Variants in EIF2B4 observed in about 807,000 individuals in gnomAD.
The protein encoded by EIF2B4 is eukaryotic translation initiation factor 2B subunit delta.
EIF2B4 carries 34 observed loss-of-function variants against 66.7 expected under a neutral mutation model. That is an observed-to-expected ratio of 0.51 (90% confidence interval 0.39 to 0.68). The LOEUF is 0.68. EIF2B4 is among the 30% of genes least tolerant of loss of function. The pLI, the probability that EIF2B4 is intolerant of heterozygous loss-of-function variation, is 0.00. For synonymous variants in EIF2B4, 278 were observed against 253.6 expected (o/e 1.10, Z -0.92); for missense variants, 618 against 657.9 (o/e 0.94, Z 0.66).
chr2:27,370,135 C>G, intron 1 of EIF2B4, 149 bp downstream of exon 1: 1 of 1,527,000 alleles, frequency 6.5e-7, no homozygotes, highest in Non-Finnish European at 8.8e-7. Context: ...CGGTGCGCGG[C>G]GCGGGACTGC....
In EIF2B4 at chr2:27,367,479, C is replaced by T. The variant is rs754707878; in HGVS notation, c.863G>A (p.Gly288Asp). Residue 288 changes from glycine (G) to aspartate (D), a missense_variant, in exon 9 of 13, where the codon GGC becomes GAC. Physicochemically the swap from Gly to Asp is moderately conservative, Grantham distance 94. Transcript: ENST00000347454. ...KFLNKEITSV[G>D]SSKREEEAKS... ...CACCTCCTCTTCCCGCTTGGAACTG[C>T]CCACACTGGTGATTTCCTTGTTAAG... 2.0e-5 allele frequency: 33 copies of T among 1,614,114 alleles called. No homozygotes were observed. Among genetic ancestry groups the T allele is most frequent in the Admixed American group, 3.3e-5 (2 of 60,004 alleles).
At chr2:27,369,594 A>C in intron 2 of EIF2B4, 45 bp from the exon 3 acceptor site, 1 of 1,613,386 alleles carries the variant, frequency 6.2e-7, no homozygotes, top group Non-Finnish European at 8.5e-7. Flanking sequence ...ACAATTCCAA[A>C]GGGGAACAAA....
intron 11 of EIF2B4, chr2:27,365,158 G>A (rs1466321000): frequency 9.7e-6 from 4 of 410,914 alleles, no homozygotes; most frequent in Non-Finnish European, 1.8e-5. Flanking sequence ...CTGGGTTCAA[G>A]TGATTCTCCT....
Position 27,364,782 on chromosome 2 carries a change from A to C in EIF2B4, c.1308T>G (p.Val436=), listed in dbSNP as rs1042632344. 6.2e-7 allele frequency: 1 copy of C among 1,614,194 alleles called. No individual in the cohort carries two copies. Among genetic ancestry groups the C allele is most frequent in the Non-Finnish European group, 8.5e-7 (1 of 1,180,034 alleles). The change falls in exon 12 of 13, where the codon GTT becomes GTG. Residue 436 remains valine (V), a synonymous_variant. Transcript: ENST00000347454. The stretch of plus-strand genomic sequence containing the variant: ...CACAGAACTTGTATGTTTCACAGCA[A>C]ACCAGCACTGGTACATTATGGGCTC... ...VARAHNVPVL[V]CCETYKFCER...
At chr2:27,367,411 A>T in intron 9 of EIF2B4, 46 bp downstream of exon 9, 1 of 1,611,774 alleles carries the variant, frequency 6.2e-7, no homozygotes, top group Non-Finnish European at 8.5e-7. Context: ...ATGTTTCTTA[A>T]TTTTACCCAC....
intron 11 of EIF2B4, chr2:27,366,217 TG>T (rs1475150845): frequency 1.0e-3 from 3 of 2,980 alleles, no homozygotes; most frequent in Admixed American, 4.8e-3. Flanking sequence ...TGGGGTGGGG[TG>T]TGTGTGTGTG....
chr2:27,364,543 G>C lies in EIF2B4; in HGVS notation c.1429C>G (p.Gln477Glu). The C allele has an allele frequency of 6.2e-7, 1 of 1,614,184 alleles. No individual in the cohort carries two copies. The highest frequency in any genetic ancestry group is 2.2e-5 in the East Asian group (1 of 44,878). ...AACAACCGTAGGGATGCGTGGTTCTGCCAGTTAGCCAGCGCAACATGTTCT... is the reference window on the plus strand; with the variant it reads ...AACAACCGTAGGGATGCGTGGTTCTCCCAGTTAGCCAGCGCAACATGTTCT... ...RGEHVALANW[Q>E]NHASLRLLNL... is the part of the protein sequence containing the mutation. Residue 477 changes from glutamine to glutamate, a missense_variant, in exon 13 of 13, where the codon CAG becomes GAG. Gln to Glu is a conservative substitution (Grantham distance 29). This residue lies in a region of EIF2B4 where 63 missense variants were observed against 47.5 expected (regional missense o/e 1.33). Transcript: ENST00000347454.
chr2:27,369,255 G>A, intron 3 of EIF2B4, 43 bp from the exon 4 acceptor site: 1 of 1,603,046 alleles, frequency 6.2e-7, no homozygotes, highest in Non-Finnish European at 8.5e-7. Context: ...GCAGGCAGGT[G>A]ATATCCGTGC....
chr2:27,370,252 G>C (rs1473860733), intron 1 of EIF2B4, 32 bp downstream of exon 1: 1 of 1,545,790 alleles, frequency 6.5e-7, no homozygotes, highest in African/African-American at 1.4e-5. Flanking sequence ...TCGGCTCCGC[G>C]TACCAGTAGG....
intron 11 of EIF2B4, chr2:27,366,360 C>A: frequency 3.5e-6 from 1 of 284,736 alleles, no homozygotes; most frequent in Non-Finnish European, 6.9e-6. Context: ...GCCATGGCAC[C>A]AAGCCAGGGC....
chr2:27,367,361 C>CA (rs939789780), intron 9 of EIF2B4, 96 bp downstream of exon 9: 10 of 1,582,814 alleles, frequency 6.3e-6, no homozygotes, highest in Middle Eastern at 1.7e-4. Context: ...TTGACTAGGG[C>CA]AAAAAAAGGC....
Position 27,367,359 on chromosome 2 carries a change from G to A in EIF2B4, c.885+98C>T, listed in dbSNP as rs912337423. The A allele has an allele frequency of 3.2e-6, 5 of 1,580,276 alleles. No homozygotes were observed. The African/African-American group carries it at 6.7e-5, about 21-fold the overall frequency. ...AAACCATTCCTTAACCCTTGACTAG[G>A]GCAAAAAAAGGCTTACGTTGGCCTT... On this transcript the variant is annotated intron_variant, in intron 9 of 12. Coordinates refer to ENST00000347454, the MANE Select transcript of EIF2B4 (RefSeq NM_001034116.2).
intron 2 of EIF2B4, 163 bp downstream of exon 2, chr2:27,369,713 C>T (rs984586359): frequency 1.4e-6 from 2 of 1,472,378 alleles, no homozygotes; most frequent in African/African-American, 1.4e-5. Context: ...CGTTTCTCCT[C>T]CAGGGACAGA....
chr2:27,369,657 A>C, intron 2 of EIF2B4, 108 bp from the exon 3 acceptor site: 2 of 1,581,228 alleles, frequency 1.3e-6, no homozygotes, highest in Non-Finnish European at 1.7e-6. Context: ...AGTTCTTCCT[A>C]ACTTCCACAA....
intron 4 of EIF2B4, 90 bp downstream of exon 4, chr2:27,368,916 A>G: frequency 6.5e-7 from 1 of 1,541,954 alleles, no homozygotes; most frequent in Non-Finnish European, 9.0e-7. Context: ...GGGTCCCAAG[A>G]ATGAGAGGGG....
rs773426946 is a variant in EIF2B4, at chr2:27,364,800, A to G, written c.1290T>C (p.His430=). ...CACAGCAAACCAGCACTGGTACATT[A>G]TGGGCTCGAGCCACCAGGGCTAACT... ...TAQLALVARA[H]NVPVLVCCET... Residue 430 remains histidine (H), a synonymous_variant, in exon 12 of 13, where the codon CAT becomes CAC. Transcript: ENST00000347454. 1 of 1,614,150 alleles carries G rather than the reference A, an allele frequency of 6.2e-7. No individual in the cohort carries two copies. Among genetic ancestry groups the G allele is most frequent in the South Asian group, 1.1e-5 (1 of 91,090 alleles).
rs561112017 is a variant in EIF2B4 at position 27,368,277 on chromosome 2, C to T, written c.590+95G>A. The T allele has an allele frequency of 1.4e-4, 195 of 1,359,836 alleles. 1 individual carries two copies. In the African/African-American group the frequency reaches 2.6e-3, roughly 18 times the overall value. The allele number at this position is 1,359,836 out of a possible 1,614,324, so 84.2% of individuals were successfully genotyped here. A position where few individuals can be genotyped will look rare whatever the true frequency, so the allele number is the denominator to read the frequency against. On this transcript the variant is annotated intron_variant, in intron 6 of 12. Transcript: ENST00000347454. ...GTTCTGCCTTGGGTTCATACTTTTT[C>T]CTACAGAGTCCATCTCAGATTACTA...
At chr2:27,365,827 C>T (rs1372240352) in intron 11 of EIF2B4, 1 of 152,170 alleles carries the variant, frequency 6.6e-6, no homozygotes, top group Non-Finnish European at 1.5e-5. Context: ...AATAGCTAGA[C>T]TGCTGTAATA....
intron 1 of EIF2B4, 109 bp downstream of exon 1, chr2:27,370,175 G>A (rs1682296514): frequency 1.3e-6 from 2 of 1,544,578 alleles, no homozygotes; most frequent in Non-Finnish European, 8.7e-7. Context: ...GGAGCCCAGC[G>A]TGGCGCTGGA....
Sources: gnomAD v4.1 joint callset for allele counts on GRCh38, gnomAD v4.1.1 for gene constraint, gnomAD v4.1.1 regional missense constraint, MANE v1.5 for transcripts, NCBI Gene and HGNC (gene_info 2026-07-23, HGNC 2026-07-21) for gene names.